NSMCE2: variants seen among roughly 807,000 people sequenced by gnomAD.
NSMCE2 encodes E3 SUMO-protein ligase NSE2.
NSMCE2 carries 24 observed loss-of-function variants against 23.8 expected under a neutral mutation model. That is an observed-to-expected ratio of 1.01 (90% CI 0.73 to 1.42). The LOEUF is 1.42. Among genes scored for constraint, NSMCE2 ranks in the 40% most tolerant of loss-of-function variants. The pLI is 0.00. For synonymous variants in NSMCE2, 92 were observed against 94.1 expected, an observed-to-expected ratio of 0.98 and a Z score of 0.13; for missense variants, 284 against 296.5, an observed-to-expected ratio of 0.96 and a Z score of 0.31.
intron 5 of NSMCE2, among the ~76,000 whole-genome samples, chr8:125,333,742 T>C (rs994397860): frequency 1.3e-5 from 2 of 151,902 alleles, no homozygotes; most frequent in African/African-American, 2.4e-5. Context: ...CTCGATCTCC[T>C]GACCTCGTGA....
At chr8:125,313,817 G>A (rs1829068657) in intron 5 of NSMCE2, among the ~76,000 whole-genome samples, 1 of 152,188 alleles carries the variant, frequency 6.6e-6, no homozygotes, top group Admixed American at 6.5e-5. Flanking sequence ...AACAGACTTT[G>A]CAGAACAAAA....
At chr8:125,194,400 AT>A (rs1362907714) in intron 5 of NSMCE2, among the ~76,000 whole-genome samples, 5 of 152,202 alleles carry the variant, frequency 3.3e-5, no homozygotes, top group Non-Finnish European at 7.3e-5. Flanking sequence ...TTTGACATTC[AT>A]TAACAGTATT....
At chr8:125,241,063 G>A (rs137898853) in intron 5 of NSMCE2, among the ~76,000 whole-genome samples, 159 of 152,224 alleles carry the variant, frequency 1.0e-3, no homozygotes, top group African/African-American at 3.4e-3. Flanking sequence ...TGGAATATTG[G>A]CACTATTCTT....
rs984654247 is a variant in NSMCE2 at position 125,231,078 on chromosome 8, G to A, written c.418+48822G>A. On this transcript the variant is annotated intron_variant, in intron 5 of 7. Transcript: ENST00000287437. ...TATATATTATTCTGGTTTCTTACTG[G>A]CAAGCCTTTATTTTACAGAATTTTT... Among the ~76,000 whole-genome samples, 4 of 152,182 alleles carry A rather than the reference G, an allele frequency of 2.6e-5. No individual in the cohort carries two copies. The South Asian group carries it at 8.3e-4, about 32-fold the overall frequency.
At chr8:125,140,090 G>A (rs1820282081) in intron 3 of NSMCE2, among the ~76,000 whole-genome samples, 1 of 152,214 alleles carries the variant, frequency 6.6e-6, no homozygotes, top group Non-Finnish European at 1.5e-5. Flanking sequence ...GAGAGCATTT[G>A]GGAATTGGAG....
At chr8:125,170,798 C>T (rs558772318) in intron 4 of NSMCE2, among the ~76,000 whole-genome samples, 1 of 152,176 alleles carries the variant, frequency 6.6e-6, no homozygotes, top group Admixed American at 6.5e-5. Flanking sequence ...GCCATCATCA[C>T]TTTTTACCTG....
At position 125,150,881 on chromosome 8, in the gene NSMCE2, CACAGCCTGGA is replaced by C. The variant is rs146317617; in HGVS notation, c.158-287_158-278del. ...TGATTTAAGATCATGTAAGTAAGGG[CACAGCCTGGA>C]ACTCCTTAATACAAGTCTTTTCTTC... On this transcript the variant is annotated intron_variant, in intron 3 of 7. Transcript: ENST00000287437. Among the ~76,000 whole-genome samples the C allele has an allele frequency of 1.2e-3, 185 of 152,240 alleles. 2 individuals are homozygous for C. The highest frequency in any genetic ancestry group is 4.1e-3 in the African/African-American group (172 of 41,544).
chr8:125,147,989 C>G (rs1820786399), intron 3 of NSMCE2, among the ~76,000 whole-genome samples: 2 of 152,180 alleles, frequency 1.3e-5, no homozygotes. Context: ...CTCTCAGCCC[C>G]CTGCTACAGC....
At chr8:125,341,600 G>A (rs1830248668) in intron 5 of NSMCE2, among the ~76,000 whole-genome samples, 1 of 151,914 alleles carries the variant, frequency 6.6e-6, no homozygotes, top group Admixed American at 6.6e-5. Flanking sequence ...TCTAATGAGG[G>A]CAAAACACTT....
intron 4 of NSMCE2, among the ~76,000 whole-genome samples, chr8:125,159,223 CTGTG>C (rs1442813154): frequency 6.6e-6 from 1 of 152,066 alleles, no homozygotes; most frequent in Non-Finnish European, 1.5e-5. Context: ...TAATCTCTTG[CTGTG>C]TGTAATTTAT....
At chr8:125,190,005 A>G (rs1009344886) in intron 5 of NSMCE2, among the ~76,000 whole-genome samples, 5 of 152,176 alleles carry the variant, frequency 3.3e-5, no homozygotes, top group African/African-American at 9.7e-5. Context: ...AAAGATGTTG[A>G]TGAAGCCATT....
intron 3 of NSMCE2, among the ~76,000 whole-genome samples, chr8:125,104,181 A>G (rs1020688340): frequency 6.6e-6 from 1 of 151,720 alleles, no homozygotes; most frequent in Non-Finnish European, 1.5e-5. Flanking sequence ...GTAGAGACGG[A>G]GTTTCTTCAT....
At chr8:125,231,231 A>C (rs1196150151) in intron 5 of NSMCE2, among the ~76,000 whole-genome samples, 2 of 152,210 alleles carry the variant, frequency 1.3e-5, no homozygotes, top group Admixed American at 6.5e-5. Flanking sequence ...AGGGTGACCT[A>C]ATACACAGAA....
intron 5 of NSMCE2, among the ~76,000 whole-genome samples, chr8:125,313,426 A>G (rs1341495563): frequency 6.6e-6 from 1 of 152,208 alleles, no homozygotes; most frequent in East Asian, 1.9e-4. Flanking sequence ...CCCAATTCTA[A>G]AAATGGCACG....
chr8:125,334,115 G>C (rs184013926), intron 5 of NSMCE2, among the ~76,000 whole-genome samples: 7 of 152,128 alleles, frequency 4.6e-5, no homozygotes, highest in African/African-American at 1.4e-4. Context: ...GCCATTGTGA[G>C]GTTAAATTAG....
chr8:125,214,022 C>A (rs1055026739), intron 5 of NSMCE2, among the ~76,000 whole-genome samples: 7 of 152,190 alleles, frequency 4.6e-5, no homozygotes, highest in Non-Finnish European at 8.8e-5. Context: ...AGAATAAAAT[C>A]TGCTTTTAAG....
chr8:125,358,185 T>G (rs183963657), intron 7 of NSMCE2, among the ~76,000 whole-genome samples: 265 of 151,958 alleles, frequency 1.7e-3, no homozygotes, highest in Non-Finnish European at 2.9e-3. Flanking sequence ...ATACAAAAAT[T>G]AGCCAGGCTT....
intron 5 of NSMCE2, among the ~76,000 whole-genome samples, chr8:125,213,496 TCTCCTCTCCTCTCC>T: frequency 3.2e-5 from 1 of 31,354 alleles, no homozygotes; most frequent in Non-Finnish European, 6.1e-5. Flanking sequence ...TCTCCTCTCC[TCTCCTCTCCTCTCC>T]TCTCCTCTCC....
chr8:125,186,321 A>G (rs951916152), intron 5 of NSMCE2, among the ~76,000 whole-genome samples: 1 of 152,202 alleles, frequency 6.6e-6, no homozygotes, highest in South Asian at 2.1e-4. Context: ...TACCGTATTT[A>G]TTATCTGACT....
Sources: allele counts gnomAD v4.1 joint callset (sites outside exome capture counted in the v4.1 genomes callset), GRCh38; gene constraint gnomAD v4.1.1; transcripts MANE v1.5; gene names NCBI Gene and HGNC (gene_info 2026-07-23, HGNC 2026-07-21).